RBFOX1: variants seen among roughly 807,000 people sequenced by gnomAD.
RBFOX1 encodes the protein RNA binding fox-1 homolog 1.
In RBFOX1, 8 loss-of-function variants were observed where a neutral mutation model predicts 57.7. The ratio of observed to expected loss-of-function variants is 0.14; its 90% CI spans 0.08 to 0.25. The LOEUF is 0.25. Ranked by LOEUF, RBFOX1 falls within the 10% of genes least tolerant of loss-of-function variation. The probability of loss-of-function intolerance (pLI) is 1.00; values close to 1 mark genes in which losing one functional copy is unlikely to be tolerated. For synonymous variants in RBFOX1, 326 were observed against 222.4 expected, an observed-to-expected ratio of 1.47 and a Z score of -4.15; for missense variants, 611 against 548.5, an observed-to-expected ratio of 1.11 and a Z score of -1.14.
chr16:6,635,800 G>T (rs906385595), intron 2 of RBFOX1, among the ~76,000 whole-genome samples: 1 of 152,050 alleles, frequency 6.6e-6, no homozygotes, highest in Non-Finnish European at 1.5e-5. Context: ...TCAGTCTTAG[G>T]GTTTAGGTCA....
chr16:6,394,301 G>C (rs1481153592), intron 2 of RBFOX1, among the ~76,000 whole-genome samples: 1 of 152,200 alleles, frequency 6.6e-6, no homozygotes, highest in Non-Finnish European at 1.5e-5. Flanking sequence ...AGATTAATTA[G>C]TTTCTGAAGT....
intron 3 of RBFOX1, among the ~76,000 whole-genome samples, chr16:6,842,526 C>G (rs1376366108): frequency 1.3e-5 from 2 of 152,064 alleles, no homozygotes; most frequent in Non-Finnish European, 2.9e-5. Flanking sequence ...CTGCCCTTTT[C>G]AGCTTGATGA....
chr16:7,182,692 A>G (rs2082960581), intron 4 of RBFOX1, among the ~76,000 whole-genome samples: 1 of 151,562 alleles, frequency 6.6e-6, no homozygotes, highest in South Asian at 2.1e-4. Context: ...TGAAGCAAAG[A>G]CCAGGAAAGG....
intron 4 of RBFOX1, among the ~76,000 whole-genome samples, chr16:7,085,254 C>G (rs1599044076): frequency 6.6e-6 from 1 of 152,078 alleles, no homozygotes; most frequent in Non-Finnish European, 1.5e-5. Context: ...AACTAGAGAA[C>G]TGGAACATGT....
chr16:7,217,596 C>A (rs1437205160), intron 4 of RBFOX1, among the ~76,000 whole-genome samples: 1 of 151,962 alleles, frequency 6.6e-6, no homozygotes, highest in East Asian at 1.9e-4. Flanking sequence ...TCATGAGAGG[C>A]CTGGTTCTGA....
intron 4 of RBFOX1, among the ~76,000 whole-genome samples, chr16:7,153,055 A>G (rs572601421): frequency 6.6e-6 from 1 of 152,230 alleles, no homozygotes; most frequent in Non-Finnish European, 1.5e-5. Flanking sequence ...TTAATTATGT[A>G]GAACCATGGC....
intron 3 of RBFOX1, among the ~76,000 whole-genome samples, chr16:6,741,235 T>C (rs201315237): frequency 6.6e-6 from 1 of 152,308 alleles, no homozygotes; most frequent in East Asian, 1.9e-4. Context: ...TAGCTCAAAA[T>C]GGATCGTAGG....
chr16:7,438,436 G>A (rs2149796992), intron 4 of RBFOX1, among the ~76,000 whole-genome samples: 1 of 152,142 alleles, frequency 6.6e-6, no homozygotes, highest in South Asian at 2.1e-4. Context: ...CCTGTCCTGG[G>A]AGGGCAGAAG....
chr16:7,482,680 G>A (rs1025421632), intron 4 of RBFOX1, among the ~76,000 whole-genome samples: 1 of 151,444 alleles, frequency 6.6e-6, no homozygotes, highest in African/African-American at 2.4e-5. Flanking sequence ...TTATCAGGGA[G>A]AGGCTCCCCT....
intron 4 of RBFOX1, among the ~76,000 whole-genome samples, chr16:5,897,572 A>G (rs1333517020): frequency 6.6e-6 from 1 of 152,188 alleles, no homozygotes; most frequent in Non-Finnish European, 1.5e-5. Context: ...TCCACTTAAT[A>G]TAAAAGAGAA....
chr16:5,686,327 A>G (rs1316281617), intron 3 of RBFOX1, among the ~76,000 whole-genome samples: 1 of 152,154 alleles, frequency 6.6e-6, no homozygotes, highest in African/African-American at 2.4e-5. Flanking sequence ...AGGTCTAGAA[A>G]TCATTGTGAC....
Position 5,420,543 on chromosome 16 carries a change from C to G in RBFOX1, c.220-46673C>G, listed in dbSNP as rs557131377. ...TGTTTTTTTGAGACAGGGTCTCACT[C>G]TGTCATCCAGGCTGGAGTGCAGTGG... On this transcript the variant is annotated intron_variant, in intron 1 of 2. Coordinates refer to the RBFOX1 transcript ENST00000585867. 3.0e-4 allele frequency among the ~76,000 whole-genome samples: 46 copies of G among 152,204 alleles called. 1 individual carries two copies. Among genetic ancestry groups the G allele is most frequent in the African/African-American group, 1.1e-3 (46 of 41,526 alleles).
intron 4 of RBFOX1, among the ~76,000 whole-genome samples, chr16:7,379,562 A>G (rs1388360961): frequency 3.3e-5 from 5 of 152,218 alleles, no homozygotes; most frequent in African/African-American, 1.2e-4. Flanking sequence ...ATGCATACAT[A>G]TGTGGTAAAT....
At chr16:5,968,768 CTT>C (rs1323676089) in intron 4 of RBFOX1, among the ~76,000 whole-genome samples, 1 of 152,024 alleles carries the variant, frequency 6.6e-6, no homozygotes, top group Non-Finnish European at 1.5e-5. Context: ...GGGAAAGTCT[CTT>C]TGAAATAGGA....
chr16:5,488,058 G>T (rs1050592020), intron 2 of RBFOX1, among the ~76,000 whole-genome samples: 1 of 151,874 alleles, frequency 6.6e-6, no homozygotes, highest in Non-Finnish European at 1.5e-5. Context: ...ATGGTGGTGA[G>T]GTGTGATGGT....
intron 4 of RBFOX1, among the ~76,000 whole-genome samples, chr16:7,308,133 C>G (rs1485670836): frequency 2.6e-5 from 4 of 152,092 alleles, no homozygotes; most frequent in Non-Finnish European, 5.9e-5. Flanking sequence ...CATGCATGGA[C>G]ACACAGGACA....
At position 6,277,833 on chromosome 16, in the gene RBFOX1, A is replaced by T. The variant is rs996950069; in HGVS notation, c.-126-39162A>T. On this transcript the variant is annotated intron_variant, in intron 1 of 15. Coordinates refer to ENST00000550418, the MANE Select transcript of RBFOX1 (RefSeq NM_018723.4). ...GACATACAAGATTCTGATTGCGATTAGGATTACTTTAGAAACTTTTGATCT... is the reference window on the plus strand; with the variant it reads ...GACATACAAGATTCTGATTGCGATTTGGATTACTTTAGAAACTTTTGATCT... Among the ~76,000 whole-genome samples the T allele has an allele frequency of 4.6e-5, 7 of 152,254 alleles. No homozygotes were observed. The East Asian group carries it at 1.4e-3, about 29-fold the overall frequency.
At chr16:6,261,710 C>T (rs2097702517) in intron 1 of RBFOX1, among the ~76,000 whole-genome samples, 1 of 152,094 alleles carries the variant, frequency 6.6e-6, no homozygotes, top group African/African-American at 2.4e-5. Flanking sequence ...AGTAGGCTTT[C>T]TTCAGTCCAG....
intron 4 of RBFOX1, among the ~76,000 whole-genome samples, 172 bp downstream of exon 4, chr16:7,052,270 A>C (rs76113361): frequency 6.6e-6 from 1 of 152,216 alleles, no homozygotes; most frequent in African/African-American, 2.4e-5. Flanking sequence ...TGTTAAATAC[A>C]GTATATCTTC....
Sources: gnomAD v4.1 joint callset for allele counts (sites outside exome capture counted in the v4.1 genomes callset) on GRCh38, gnomAD v4.1.1 for gene constraint, MANE v1.5 for transcripts, NCBI Gene and HGNC (gene_info 2026-07-23, HGNC 2026-07-21) for gene names.